Variants in NTRK3 observed in about 807,000 individuals in gnomAD.
The protein encoded by NTRK3 is neurotrophic receptor tyrosine kinase 3.
A neutral mutation model predicts 91.7 loss-of-function variants in NTRK3; 24 were observed. The observed-to-expected ratio is 0.26, with a 90% CI of 0.19 to 0.37. The LOEUF is 0.37. NTRK3 is among the 10% of genes least tolerant of loss of function. The pLI, the probability that NTRK3 is intolerant of heterozygous loss-of-function variation, is 1.00. For synonymous variants in NTRK3, 483 were observed against 404.0 expected (o/e 1.20, Z -2.34); for missense variants, 880 against 1,068.9 (o/e 0.82, Z 2.46).
chr15:88,112,824 C>A (rs901913278), intron 13 of NTRK3, among the ~76,000 whole-genome samples: 5 of 152,318 alleles, frequency 3.3e-5, no homozygotes, highest in Admixed American at 2.6e-4. Context: ...GCCACATCAA[C>A]CTGAGCATTG....
exon 19 of NTRK3, chr15:87,875,197 C>T (rs1016774913): frequency 2.2e-5 from 5 of 230,830 alleles, no homozygotes; most frequent in South Asian, 1.8e-4. Flanking sequence ...CAGAGGCCCC[C>T]GGGAGGTGAG....
At chr15:88,062,787 A>G (rs751810695) in intron 13 of NTRK3, among the ~76,000 whole-genome samples, 1 of 152,180 alleles carries the variant, frequency 6.6e-6, no homozygotes, top group African/African-American at 2.4e-5. Context: ...TTCCATTACT[A>G]TTTTTGTTAG....
rs568836598 is a variant in NTRK3 at position 88,105,156 on chromosome 15, C to T, written c.1396+21115G>A. Among the ~76,000 whole-genome samples, 4 of 152,322 alleles carry T rather than the reference C, an allele frequency of 2.6e-5. No individual in the cohort carries two copies. The South Asian group carries it at 8.3e-4, about 32-fold the overall frequency. On this transcript the variant is annotated intron_variant, in intron 13 of 18. Coordinates refer to ENST00000394480, the Ensembl canonical transcript of NTRK3. ...AAACTACACCTAGAGAGAGAAAGCA[C>T]AACCCAGTGAGGCCATGGACCTGAT...
At chr15:88,048,756 G>A (rs1002453949) in intron 13 of NTRK3, among the ~76,000 whole-genome samples, 3 of 152,184 alleles carry the variant, frequency 2.0e-5, no homozygotes, top group Non-Finnish European at 4.4e-5. Flanking sequence ...TTATTAAAAT[G>A]AAAATCAAGA....
chr15:88,053,538 G>C (rs1447344318), intron 13 of NTRK3, among the ~76,000 whole-genome samples: 4 of 152,194 alleles, frequency 2.6e-5, no homozygotes, highest in Non-Finnish European at 5.9e-5. Flanking sequence ...CATACAGTGA[G>C]GCCATAGGTA....
chr15:88,122,707 C>A (rs1201859280), intron 13 of NTRK3, among the ~76,000 whole-genome samples: 1 of 152,074 alleles, frequency 6.6e-6, no homozygotes, highest in African/African-American at 2.4e-5. Context: ...TATCGATACA[C>A]CTGGCCCTCA....
At chr15:87,997,472 G>A (rs900976381) in intron 14 of NTRK3, among the ~76,000 whole-genome samples, 3 of 152,122 alleles carry the variant, frequency 2.0e-5, no homozygotes, top group South Asian at 4.2e-4. Flanking sequence ...CCCTTCTCCC[G>A]CTTGTTATTC....
intron 5 of NTRK3, among the ~76,000 whole-genome samples, chr15:88,150,170 G>A (rs2043243232): frequency 6.6e-6 from 1 of 152,174 alleles, no homozygotes; most frequent in Non-Finnish European, 1.5e-5. Flanking sequence ...AGCAACTGGT[G>A]GGAACTAGCA....
intron 5 of NTRK3, among the ~76,000 whole-genome samples, chr15:88,179,273 A>T (rs192892831): frequency 2.8e-4 from 42 of 152,320 alleles, no homozygotes; most frequent in Non-Finnish European, 2.8e-4. Flanking sequence ...GTAACTTTTT[A>T]AATTGCTTCT....
At chr15:87,974,469 C>G (rs1266768672) in intron 14 of NTRK3, among the ~76,000 whole-genome samples, 1 of 151,878 alleles carries the variant, frequency 6.6e-6, no homozygotes, top group Non-Finnish European at 1.5e-5. Flanking sequence ...TTGCCCAGAC[C>G]TGGGCAGCCT....
intron 14 of NTRK3, among the ~76,000 whole-genome samples, chr15:88,024,757 G>A (rs2077882396): frequency 1.3e-5 from 2 of 152,100 alleles, no homozygotes; most frequent in Non-Finnish European, 1.5e-5. Flanking sequence ...TTCTGGGAAA[G>A]TGAAAAGAAT....
chr15:88,061,384 C>G (rs1197515248), intron 13 of NTRK3, among the ~76,000 whole-genome samples: 3 of 152,218 alleles, frequency 2.0e-5, no homozygotes, highest in African/African-American at 4.8e-5. Context: ...GTCTACTTGA[C>G]CCCCAGTGGT....
At chr15:88,126,215 C>A in intron 13 of NTRK3, 56 bp downstream of exon 13, 2 of 1,286,356 alleles carry the variant, frequency 1.6e-6, no homozygotes, top group South Asian at 1.2e-5. Flanking sequence ...ATCTTTTGAT[C>A]AAAAGCAGTA....
intron 6 of NTRK3, among the ~76,000 whole-genome samples, chr15:88,139,935 T>TGGGGGGGGGGGGGGGGGGGGG (rs1250512649): frequency 4.7e-5 from 1 of 21,168 alleles, no homozygotes; most frequent in African/African-American, 1.9e-4. Flanking sequence ...GGGGGGAGTG[T>TGGGGGGGGGGGGGGGGGGGGG]GGGGGGTGGG....
At chr15:88,044,991 T>C (rs987774221) in intron 13 of NTRK3, among the ~76,000 whole-genome samples, 1 of 152,210 alleles carries the variant, frequency 6.6e-6, no homozygotes, top group Non-Finnish European at 1.5e-5. Context: ...TGCAGGTGCT[T>C]CTGGCCTCCT....
At chr15:87,869,814 C>G (rs371783873) in exon 19 of NTRK3, 1 of 198,734 alleles carries the variant, frequency 5.0e-6, no homozygotes, top group South Asian at 1.9e-4. Context: ...TAAATTGAGA[C>G]AGAACATGGA....
At chr15:87,968,719 G>T (rs533124677) in intron 14 of NTRK3, among the ~76,000 whole-genome samples, 228 of 152,196 alleles carry the variant, frequency 1.5e-3, no homozygotes, top group Non-Finnish European at 2.3e-3. Context: ...TATTGTCAAG[G>T]GTATGCAAAA....
chr15:88,182,759 T>A (rs1244610802), intron 5 of NTRK3, among the ~76,000 whole-genome samples: 1 of 152,172 alleles, frequency 6.6e-6, no homozygotes, highest in Non-Finnish European at 1.5e-5. Context: ...TCCCAAAGTT[T>A]ATCAGCCCAG....
intron 13 of NTRK3, among the ~76,000 whole-genome samples, chr15:88,064,206 C>A (rs1410084814): frequency 1.3e-5 from 2 of 152,216 alleles, no homozygotes; most frequent in Admixed American, 6.5e-5. Context: ...CTTAAAAAGC[C>A]TTTGGCAGGA....
Sources: allele counts gnomAD v4.1 joint callset (sites outside exome capture counted in the v4.1 genomes callset), GRCh38; gene constraint gnomAD v4.1.1; transcripts MANE v1.5; gene names NCBI Gene and HGNC (gene_info 2026-07-23, HGNC 2026-07-21).